Variants in BCAS3 observed in about 807,000 individuals in gnomAD.
BCAS3 encodes BCAS3 microtubule associated cell migration factor, also known as BCAS4/BCAS3 fusion.
BCAS3 carries 53 observed loss-of-function variants against 116.1 expected under a neutral mutation model. That is an observed-to-expected ratio of 0.46 (90% confidence interval 0.37 to 0.57). The LOEUF is 0.57. Among genes scored for constraint, BCAS3 ranks in the 20% least tolerant of loss-of-function variants. The pLI is 0.00. For missense variants in BCAS3, 917 were observed against 1,165.4 expected, an observed-to-expected ratio of 0.79 and a Z score of 3.10; for synonymous variants, 391 against 408.2, an observed-to-expected ratio of 0.96 and a Z score of 0.51.
intron 22 of BCAS3, among the ~76,000 whole-genome samples, chr17:61,154,412 C>G (rs1371064081): frequency 1.3e-5 from 2 of 151,700 alleles, no homozygotes; most frequent in Non-Finnish European, 2.9e-5. Context: ...TTCATAGTTC[C>G]AGGACTAAAT....
chr17:60,717,416 A>G (rs2038753664), intron 5 of BCAS3, among the ~76,000 whole-genome samples: 1 of 151,896 alleles, frequency 6.6e-6, no homozygotes, highest in Non-Finnish European at 1.5e-5. Flanking sequence ...GGGTTTCGCC[A>G]TGTTGTCCAG....
At chr17:60,988,599 G>T (rs1287090991) in intron 14 of BCAS3, among the ~76,000 whole-genome samples, 3 of 151,646 alleles carry the variant, frequency 2.0e-5, no homozygotes, top group African/African-American at 7.3e-5. Flanking sequence ...TCAGGTTTTG[G>T]ATATTTTCAT....
rs375741742 is a variant in BCAS3 at position 61,211,670 on chromosome 17, T to TAA, written c.2425+127121_2425+127122dup. On this transcript the variant is annotated intron_variant, in intron 22 of 23. Coordinates refer to ENST00000407086, the MANE Select transcript of BCAS3 (RefSeq NM_017679.5). This position sits in a 1 kb window ranked among gnomAD's most constrained non-coding sequence, Gnocchi z 4.4. ...TGTTTGCATCCAGGTCATTTCTCCA[T>TAA]AAAAAAAAAAAAAAAATGCCACTGA... is the stretch of plus-strand genomic sequence containing the variant. Among the ~76,000 whole-genome samples the TAA allele has an allele frequency of 6.0e-3, 523 of 86,666 alleles. 4 individuals are homozygous for TAA. Among genetic ancestry groups the TAA allele is most frequent in the Admixed American group, 9.9e-3 (63 of 6,334 alleles). 56.9% of individuals were successfully genotyped at this position (86,666 alleles called of 152,430 possible).
intron 7 of BCAS3, among the ~76,000 whole-genome samples, chr17:60,864,320 T>G (rs757706126): frequency 2.4e-4 from 37 of 152,206 alleles, no homozygotes; most frequent in South Asian, 4.1e-4. Flanking sequence ...TAAACTGCCA[T>G]TGTGGATTTC....
At chr17:61,345,782 A>G (rs531181053) in intron 22 of BCAS3, among the ~76,000 whole-genome samples, 1 of 152,280 alleles carries the variant, frequency 6.6e-6, no homozygotes, top group Non-Finnish European at 1.5e-5. Context: ...TGGCACCAGG[A>G]GGAAGCCAGT....
intron 22 of BCAS3, among the ~76,000 whole-genome samples, chr17:61,358,476 G>C (rs1400657750): frequency 2.0e-5 from 3 of 150,994 alleles, no homozygotes; most frequent in Non-Finnish European, 4.4e-5. Context: ...TCCCTGCCTA[G>C]GTCAGTAGTT....
intron 22 of BCAS3, among the ~76,000 whole-genome samples, chr17:61,218,379 T>C (rs2081925561): frequency 6.6e-6 from 1 of 152,258 alleles, no homozygotes; most frequent in Admixed American, 6.5e-5. Flanking sequence ...AACCCCAGTC[T>C]GTCTGTCCTT....
chr17:61,372,775 C>G (rs1156464228), intron 23 of BCAS3, among the ~76,000 whole-genome samples: 2 of 152,056 alleles, frequency 1.3e-5, no homozygotes, highest in Non-Finnish European at 2.9e-5. Flanking sequence ...CTGTTACCCC[C>G]CTCAAAATAA....
chr17:61,042,891 C>CAAAAAAAAAAAAAAAAAAAAAAA (rs35629825), intron 19 of BCAS3, among the ~76,000 whole-genome samples: 12 of 58,290 alleles, frequency 2.1e-4, no homozygotes, highest in African/African-American at 6.6e-4. Context: ...CTCCATCTCA[C>CAAAAAAAAAAAAAAAAAAAAAAA]AAAAAAAAAA....
In BCAS3 at chr17:61,083,413, ATACT is replaced by A. The variant is rs1169073138; in HGVS notation, c.2328-1049_2328-1046del. On this transcript the variant is annotated intron_variant, in intron 21 of 23. Transcript: ENST00000407086. The surrounding 1 kb of genome is among the most constrained non-coding windows in gnomAD (Gnocchi z 4.9). ...CCTACAAGCAATTAATATTCAGTAA[ATACT>A]TACTGTATGAATGAATTACCAGAAA... is the stretch of plus-strand genomic sequence containing the variant. 6.6e-6 allele frequency among the ~76,000 whole-genome samples: 1 copy of A among 152,118 alleles called. No homozygotes were observed. Among genetic ancestry groups the A allele is most frequent in the African/African-American group, 2.4e-5 (1 of 41,414 alleles).
Position 61,075,012 on chromosome 17 carries a change from C to A in BCAS3, c.2122C>A (p.Leu708Ile). ...DHSGQEDEEW[L>I]SQVEIVTHTG... Reference sequence around the variant, plus strand: ...TAGTGGACAGGAAGATGAAGAATGGCTTTCCCAGGTAAAACTCTGAAATAT... The same window carrying A: ...TAGTGGACAGGAAGATGAAGAATGGATTTCCCAGGTAAAACTCTGAAATAT... Residue 708 changes from leucine (L) to isoleucine (I), a missense_variant, in exon 20 of 24, where the codon CTT becomes ATT. Physicochemically the swap from Leu to Ile is conservative, Grantham distance 5. Transcript: ENST00000407086. The A allele has an allele frequency of 6.2e-7, 1 of 1,608,464 alleles. No homozygotes were observed. Among genetic ancestry groups the A allele is most frequent in the South Asian group, 1.1e-5 (1 of 90,582 alleles).
At chr17:60,759,682 A>G in intron 6 of BCAS3, among the ~76,000 whole-genome samples, 1 of 139,248 alleles carries the variant, frequency 7.2e-6, no homozygotes, top group East Asian at 2.0e-4. Flanking sequence ...GTTTATTTTT[A>G]CAGATAAGGT....
intron 6 of BCAS3, among the ~76,000 whole-genome samples, chr17:60,792,387 T>A (rs1457369354): frequency 1.3e-5 from 2 of 152,152 alleles, no homozygotes; most frequent in Non-Finnish European, 2.9e-5. Context: ...AACCCCCCGC[T>A]CGCTTGCTTA....
rs1602625361 is a variant in BCAS3 at position 61,315,778 on chromosome 17, C to T, written c.2426-52549C>T. 6.6e-6 allele frequency among the ~76,000 whole-genome samples: 1 copy of T among 152,132 alleles called. No homozygotes were observed. The highest frequency in any genetic ancestry group is 1.5e-5 in the Non-Finnish European group (1 of 68,018). On this transcript the variant is annotated intron_variant, in intron 22 of 23. Coordinates refer to ENST00000407086, the MANE Select transcript of BCAS3 (RefSeq NM_017679.5). This position sits in a 1 kb window ranked among gnomAD's most constrained non-coding sequence, Gnocchi z 5.3. Reference sequence around the variant, plus strand: ...ACATGCCCCTCACCCAGCACCTCTGCCCTCCCATCTGCCTCCACATGCCGC... The same window carrying T: ...ACATGCCCCTCACCCAGCACCTCTGTCCTCCCATCTGCCTCCACATGCCGC...
At position 61,211,686 on chromosome 17, in the gene BCAS3, A is replaced by T. The variant is rs908219321; in HGVS notation, c.2425+127122A>T. 1.2e-3 allele frequency among the ~76,000 whole-genome samples: 184 copies of T among 151,638 alleles called. No homozygotes were observed. Among genetic ancestry groups the T allele is most frequent in the Non-Finnish European group, 2.4e-3 (160 of 67,918 alleles). On this transcript the variant is annotated intron_variant, in intron 22 of 23. Transcript: ENST00000407086. This position sits in a 1 kb window ranked among gnomAD's most constrained non-coding sequence, Gnocchi z 4.4. ...ATTTCTCCATAAAAAAAAAAAAAAA[A>T]TGCCACTGACATTACAGCCAAGGAA...
chr17:60,897,938 C>T (rs1567819980), intron 10 of BCAS3, among the ~76,000 whole-genome samples: 1 of 151,366 alleles, frequency 6.6e-6, no homozygotes, highest in Non-Finnish European at 1.5e-5. Context: ...TAGGGTCCTG[C>T]CATGTTGCCC....
In BCAS3 at chr17:61,186,515, T is replaced by C. The variant is rs2079785559; in HGVS notation, c.2425+101951T>C. ...ACTTTTTCATACTTGAATATGTTTT[T>C]TCCTGCTTTCTAAATATGGTCATAA... On this transcript the variant is annotated intron_variant, in intron 22 of 23. Transcript: ENST00000407086. This position sits in a 1 kb window ranked among gnomAD's most constrained non-coding sequence, Gnocchi z 4.9. Among the ~76,000 whole-genome samples the C allele has an allele frequency of 6.6e-6, 1 of 152,230 alleles. No homozygotes were observed. The highest frequency in any genetic ancestry group is 1.5e-5 in the Non-Finnish European group (1 of 68,036).
At chr17:60,681,815 C>T (rs1024201201) in intron 2 of BCAS3, among the ~76,000 whole-genome samples, 6 of 152,074 alleles carry the variant, frequency 3.9e-5, no homozygotes, top group Admixed American at 2.0e-4. Flanking sequence ...CCGCAACCTC[C>T]GCCTCCTGGG....
At chr17:61,266,430 A>G (rs527683379) in intron 22 of BCAS3, among the ~76,000 whole-genome samples, 1 of 152,292 alleles carries the variant, frequency 6.6e-6, no homozygotes, top group East Asian at 1.9e-4. Context: ...ATCCTGAGCA[A>G]TTTCATTTCA....
Sources: gnomAD v4.1 joint callset for allele counts (sites outside exome capture counted in the v4.1 genomes callset) on GRCh38, gnomAD v4.1.1 for gene constraint, Gnocchi (gnomAD v3.1) non-coding constraint, MANE v1.5 for transcripts, NCBI Gene and HGNC (gene_info 2026-07-23, HGNC 2026-07-21) for gene names.